Variants in CNIH3 observed in about 807,000 individuals in gnomAD.
CNIH3 encodes protein cornichon homolog 3.
Under a neutral mutation model 24.1 loss-of-function variants are expected in CNIH3, and 14 were observed. That is an observed-to-expected ratio of 0.58 (90% confidence interval 0.38 to 0.91). The LOEUF (loss-of-function observed/expected upper bound fraction) is 0.91. CNIH3 is among the 40% of genes least tolerant of loss of function. CNIH3 has a pLI of 0.00. For missense variants in CNIH3, 178 were observed against 196.8 expected (o/e 0.90, Z 0.57); for synonymous variants, 68 against 73.8 (o/e 0.92, Z 0.40).
chr1:224,704,762 A>T lies in CNIH3; in HGVS notation c.198+19919A>T, dbSNP rs1558313340. Among the ~76,000 whole-genome samples the T allele has an allele frequency of 6.6e-6, 1 of 152,142 alleles. No individual in the cohort carries two copies. On this transcript the variant is annotated intron_variant, in intron 3 of 5. Coordinates refer to ENST00000272133, the MANE Select transcript of CNIH3 (RefSeq NM_152495.2). This position sits in a 1 kb window ranked among gnomAD's most constrained non-coding sequence, Gnocchi z 4.2. ...TAGTCACATTTCCCCTAGTTTCCCT[A>T]TAGTATTCTTTATAGTTGTTGTTGT...
chr1:224,461,973 A>G (rs984800665), intron 1 of CNIH3, among the ~76,000 whole-genome samples: 1 of 152,170 alleles, frequency 6.6e-6, no homozygotes, highest in Non-Finnish European at 1.5e-5. Context: ...AGCATTTATC[A>G]GTACTTCTTT....
intron 1 of CNIH3, among the ~76,000 whole-genome samples, chr1:224,675,604 A>G (rs997786046): frequency 3.3e-5 from 5 of 152,268 alleles, no homozygotes; most frequent in Non-Finnish European, 5.9e-5. Context: ...ATTTATAAAG[A>G]ACTCTCAAAG....
At chr1:224,732,298 G>C (rs1207634004) in intron 4 of CNIH3, among the ~76,000 whole-genome samples, 5 of 152,310 alleles carry the variant, frequency 3.3e-5, no homozygotes, top group African/African-American at 1.2e-4. Flanking sequence ...TGGCCGGGAG[G>C]TCGATGGTGC....
At chr1:224,648,221 G>A (rs929511466) in intron 1 of CNIH3, among the ~76,000 whole-genome samples, 1 of 152,104 alleles carries the variant, frequency 6.6e-6, no homozygotes, top group Non-Finnish European at 1.5e-5. Context: ...AGACCAGCCT[G>A]GCCAACATGG....
intron 1 of CNIH3, among the ~76,000 whole-genome samples, chr1:224,680,458 C>T (rs1344003190): frequency 6.6e-6 from 1 of 152,188 alleles, no homozygotes; most frequent in Non-Finnish European, 1.5e-5. Context: ...ACCGTCCAGG[C>T]TTGTGGACAT....
At chr1:224,575,236 C>G in intron 4 of CNIH3, 2 of 1,337,528 alleles carry the variant, frequency 1.5e-6, no homozygotes, top group East Asian at 4.6e-5. Context: ...AAGTCTGTGA[C>G]ACCAGAATGC....
chr1:224,574,724 C>A, intron 4 of CNIH3: 1 of 1,193,990 alleles, frequency 8.4e-7, no homozygotes, highest in Non-Finnish European at 1.2e-6. Context: ...AGAAGATGCT[C>A]ATTGACCTGA....
intron 3 of CNIH3, among the ~76,000 whole-genome samples, chr1:224,560,572 A>C (rs995108849): frequency 2.0e-5 from 3 of 151,954 alleles, no homozygotes; most frequent in African/African-American, 7.3e-5. Context: ...GTGGCATTAG[A>C]TTCTCATAGG....
intron 1 of CNIH3, among the ~76,000 whole-genome samples, chr1:224,642,593 C>T (rs1288745285): frequency 5.3e-5 from 8 of 152,116 alleles, no homozygotes; most frequent in Admixed American, 5.2e-4. Context: ...AATGGCTGAG[C>T]CCGGACTGAT....
intron 1 of CNIH3, among the ~76,000 whole-genome samples, chr1:224,468,840 A>AAG (rs1676252026): frequency 1.3e-5 from 2 of 149,094 alleles, no homozygotes; most frequent in Non-Finnish European, 3.0e-5. Flanking sequence ...AAAAAAAAAA[A>AAG]AAAGAAAGAA....
chr1:224,570,344 G>A, intron 4 of CNIH3, among the ~76,000 whole-genome samples: 1 of 115,158 alleles, frequency 8.7e-6, no homozygotes, highest in African/African-American at 3.3e-5. Flanking sequence ...GCAGTCTCCA[G>A]TGTCTGTTGT....
upstream of CNIH3, among the ~76,000 whole-genome samples, chr1:224,614,554 G>C (rs1267000908): frequency 6.6e-6 from 1 of 152,144 alleles, no homozygotes; most frequent in Non-Finnish European, 1.5e-5. Flanking sequence ...GTGCATGCCT[G>C]TAGTCCTAGC....
chr1:224,654,211 T>C (rs1185879901), intron 1 of CNIH3, among the ~76,000 whole-genome samples: 2 of 151,976 alleles, frequency 1.3e-5, no homozygotes, highest in Non-Finnish European at 2.9e-5. Flanking sequence ...GCGAAACCCC[T>C]GTCTCTACTA....
intron 1 of CNIH3, among the ~76,000 whole-genome samples, chr1:224,444,404 C>G (rs893520097): frequency 2.6e-5 from 4 of 152,086 alleles, no homozygotes; most frequent in Admixed American, 6.5e-5. Flanking sequence ...GAGTCTCGCT[C>G]TGTTGCCTAG....
chr1:224,538,167 TTG>T (rs1159279528), downstream of CNIH3, among the ~76,000 whole-genome samples: 1 of 152,144 alleles, frequency 6.6e-6, no homozygotes, highest in Non-Finnish European at 1.5e-5. Flanking sequence ...CAGGCTGGTT[TTG>T]AACTCCTGAC....
intron 1 of CNIH3, among the ~76,000 whole-genome samples, chr1:224,646,319 A>G (rs139146860): frequency 1.3e-5 from 2 of 152,374 alleles, no homozygotes; most frequent in East Asian, 1.9e-4. Flanking sequence ...TATCTGAGCC[A>G]AGGTTGAGGA....
intron 1 of CNIH3, among the ~76,000 whole-genome samples, chr1:224,496,620 C>T (rs1341867): frequency 0.019 from 2,872 of 152,218 alleles, 93 homozygotes; most frequent in African/African-American, 0.064. Flanking sequence ...AGACAGGTAG[C>T]GACTTATACT....
At chr1:224,578,633 G>A (rs1279015650) in intron 4 of CNIH3, among the ~76,000 whole-genome samples, 1 of 152,102 alleles carries the variant, frequency 6.6e-6, no homozygotes, top group Non-Finnish European at 1.5e-5. Flanking sequence ...GAAGTGTTTT[G>A]AGATCTTATA....
chr1:224,557,858 T>G (rs1383279932), intron 3 of CNIH3, among the ~76,000 whole-genome samples: 1 of 152,248 alleles, frequency 6.6e-6, no homozygotes, highest in Non-Finnish European at 1.5e-5. Flanking sequence ...GCCTCCACCC[T>G]GGCACATACA....
Sources: allele counts gnomAD v4.1 joint callset (sites outside exome capture counted in the v4.1 genomes callset), GRCh38; gene constraint gnomAD v4.1.1; non-coding constraint Gnocchi (gnomAD v3.1); transcripts MANE v1.5; gene names NCBI Gene and HGNC (gene_info 2026-07-23, HGNC 2026-07-21).